Variants in HAVCR2 observed in about 807,000 individuals in gnomAD.
HAVCR2 encodes T cell immunoglobulin mucin 3.
In HAVCR2, 13 loss-of-function variants were observed where a neutral mutation model predicts 24.7. That is an observed-to-expected ratio of 0.53 (90% CI 0.34 to 0.84). HAVCR2 has a LOEUF of 0.84. Among genes scored for constraint, HAVCR2 ranks in the 40% least tolerant of loss-of-function variants. The pLI, the probability that HAVCR2 is intolerant of heterozygous loss-of-function variation, is 0.01. For missense variants in HAVCR2, 343 were observed against 371.2 expected (o/e 0.92, Z 0.62); for synonymous variants, 154 against 143.4 (o/e 1.07, Z -0.53).
At position 157,095,400 on chromosome 5, in the gene HAVCR2, G is replaced by T. The variant is rs1429344938; in HGVS notation, c.582C>A (p.Asp194Glu). 1 of 1,614,092 alleles carries T rather than the reference G, an allele frequency of 6.2e-7. No homozygotes were observed. Among genetic ancestry groups the T allele is most frequent in the South Asian group, 1.1e-5 (1 of 91,088 alleles). Residue 194 changes from aspartate (D) to glutamate (E), a missense_variant, in exon 5 of 7, where the codon GAC (aspartate) becomes GAA (glutamate). Transcript: ENST00000307851. ...RDSRLANDLRDSGATIRIGIY... is the reference protein window; with the variant it reads ...RDSRLANDLRESGATIRIGIY... Reference sequence around the variant, plus strand: ...TGCCTATTCTGATGGTTGCTCCAGAGTCCCGTAAGTCATTGGCCAATCTAG... The same window carrying T: ...TGCCTATTCTGATGGTTGCTCCAGATTCCCGTAAGTCATTGGCCAATCTAG...
intron 4 of HAVCR2, among the ~76,000 whole-genome samples, chr5:157,095,883 C>A (rs528909667): frequency 6.6e-6 from 1 of 152,070 alleles, no homozygotes; most frequent in East Asian, 1.9e-4. Context: ...CACAAAAAGA[C>A]AGTGATTCAA....
intron 3 of HAVCR2, among the ~76,000 whole-genome samples, chr5:157,101,385 C>T (rs749762047): frequency 1.8e-4 from 28 of 152,112 alleles, no homozygotes; most frequent in Non-Finnish European, 3.1e-4. Flanking sequence ...CCAAGATTTG[C>T]CTGGTGGGGC....
intron 5 of HAVCR2, among the ~76,000 whole-genome samples, chr5:157,094,233 C>G (rs1757059282): frequency 6.6e-6 from 1 of 151,494 alleles, no homozygotes; most frequent in Non-Finnish European, 1.5e-5. Context: ...GAGGCAGGAT[C>G]CTGCTTTGCT....
intron 5 of HAVCR2, among the ~76,000 whole-genome samples, chr5:157,093,598 G>A (rs1757044728): frequency 6.6e-6 from 1 of 152,010 alleles, no homozygotes; most frequent in Admixed American, 6.6e-5. Context: ...TTACGCTCTG[G>A]GGCATAAGGA....
At chr5:157,092,913 A>AAAAAAAAAAAAATAAAAAT (rs1561619880) in intron 5 of HAVCR2, among the ~76,000 whole-genome samples, 5 of 123,030 alleles carry the variant, frequency 4.1e-5, no homozygotes, top group African/African-American at 1.5e-4. Flanking sequence ...AAAAAAAAAA[A>AAAAAAAAAAAAATAAAAAT]AAAAACTAGC....
chr5:157,091,014 G>T (rs1359321413), intron 5 of HAVCR2, among the ~76,000 whole-genome samples: 1 of 152,142 alleles, frequency 6.6e-6, no homozygotes, highest in Non-Finnish European at 1.5e-5. Flanking sequence ...CAGCCCTAAG[G>T]AATCTCAACA....
At chr5:157,092,909 A>AT (rs1561619866) in intron 5 of HAVCR2, among the ~76,000 whole-genome samples, 1 of 115,478 alleles carries the variant, frequency 8.7e-6, no homozygotes, top group African/African-American at 3.5e-5. Flanking sequence ...AAAAAAAAAA[A>AT]AAAAAAAAAC....
rs537669831 is a variant in HAVCR2, at chr5:157,095,212, G to A, written c.676+94C>T. On this transcript the variant is annotated intron_variant, in intron 5 of 6. Coordinates refer to ENST00000307851, the MANE Select transcript of HAVCR2 (RefSeq NM_032782.5). Reference sequence around the variant, plus strand: ...AAGGGTATTTAGTCTAATCATCTTTGGGTATAAACATGAATTTGCATTTCT... The same window carrying A: ...AAGGGTATTTAGTCTAATCATCTTTAGGTATAAACATGAATTTGCATTTCT... 5.1e-5 allele frequency: 67 copies of A among 1,304,384 alleles called. No homozygotes were observed. The African/African-American group carries it at 8.6e-4, about 17-fold the overall frequency. 80.8% of individuals were successfully genotyped at this position (1,304,384 alleles called of 1,614,324 possible). A position where few individuals can be genotyped will look rare whatever the true frequency, so the allele number is the denominator to read the frequency against.
chr5:157,092,369 G>A (rs1258184510), intron 5 of HAVCR2, among the ~76,000 whole-genome samples: 2 of 151,980 alleles, frequency 1.3e-5, no homozygotes, highest in Non-Finnish European at 2.9e-5. Flanking sequence ...GGCTGAGGTG[G>A]GAGGATTATT....
chr5:157,108,947 G>A lies in HAVCR2; in HGVS notation c.37C>T (p.Leu13=), dbSNP rs931549788. 1.9e-6 allele frequency: 3 copies of A among 1,614,026 alleles called. No homozygotes were observed. The highest frequency in any genetic ancestry group is 2.5e-6 in the Non-Finnish European group (3 of 1,179,996). ...SHLPFDCVLL[L]LLLLLTRSSE... The stretch of plus-strand genomic sequence containing the variant: ...TTACTTGTAAGTAGTAGCAGCAGCA[G>A]CAGCAGGACACAGTCAAAGGGAAGA... Residue 13 remains leucine (L), a synonymous_variant, in exon 1 of 7, where the codon CTG becomes TTG. Transcript: ENST00000307851.
intron 3 of HAVCR2, among the ~76,000 whole-genome samples, chr5:157,102,804 G>A (rs969980646): frequency 5.3e-5 from 8 of 151,838 alleles, no homozygotes; most frequent in Non-Finnish European, 1.0e-4. Flanking sequence ...GCGTGGTGGC[G>A]CGCGTCTGTA....
At chr5:157,090,887 C>T (rs1756989055) in intron 5 of HAVCR2, among the ~76,000 whole-genome samples, 1 of 152,008 alleles carries the variant, frequency 6.6e-6, no homozygotes. Context: ...TGCTGTGTCA[C>T]CCAGGCTAGA....
At chr5:157,102,589 A>G (rs1460494026) in intron 3 of HAVCR2, among the ~76,000 whole-genome samples, 1 of 152,104 alleles carries the variant, frequency 6.6e-6, no homozygotes, top group Non-Finnish European at 1.5e-5. Flanking sequence ...TCGAGGTATT[A>G]TTCCTATATT....
intron 1 of HAVCR2, chr5:157,107,443 T>C (rs1757269632): frequency 6.4e-6 from 1 of 155,216 alleles, no homozygotes; most frequent in Admixed American, 6.4e-5. Flanking sequence ...CCTAACATAC[T>C]TCTCTTTTTA....
rs951408005 is a variant in HAVCR2, at chr5:157,097,476, T to C, written c.522+1382A>G. ...GGTGTCACTATGTGGCCCAGGCTAG[T>C]CTCAAACTCCTGGTCTCAAGCATTC... On this transcript the variant is annotated intron_variant, in intron 4 of 6. Coordinates refer to ENST00000307851, the MANE Select transcript of HAVCR2 (RefSeq NM_032782.5). Among the ~76,000 whole-genome samples the C allele has an allele frequency of 2.6e-5, 4 of 152,244 alleles. No individual in the cohort carries two copies. The South Asian group carries it at 6.2e-4, about 24-fold the overall frequency.
chr5:157,107,870 T>C (rs897987327), intron 1 of HAVCR2, among the ~76,000 whole-genome samples: 113 of 141,576 alleles, frequency 8.0e-4, no homozygotes, highest in Non-Finnish European at 1.3e-3. Flanking sequence ...CCCCCCCCCC[T>C]TTTTTATGTG....
chr5:157,099,034 A>G (rs1354042577), intron 3 of HAVCR2, 133 bp from the exon 4 acceptor site: 4 of 766,604 alleles, frequency 5.2e-6, no homozygotes, highest in Non-Finnish European at 7.8e-6. Flanking sequence ...TCTACTCCGT[A>G]CTTGTCACAA....
intron 2 of HAVCR2, chr5:157,106,367 T>C (rs932333658): frequency 2.2e-6 from 1 of 449,940 alleles, no homozygotes; most frequent in Admixed American, 3.7e-5. Flanking sequence ...CCTGACCTCA[T>C]GATCCACCGG....
chr5:157,106,333 T>C (rs553926676), intron 2 of HAVCR2: 68 of 329,298 alleles, frequency 2.1e-4, no homozygotes, highest in Admixed American at 9.0e-4. Context: ...GGTTTTACTA[T>C]GTTGGCCAGG....
Sources: allele counts gnomAD v4.1 joint callset (sites outside exome capture counted in the v4.1 genomes callset), GRCh38; gene constraint gnomAD v4.1.1; transcripts MANE v1.5; gene names NCBI Gene and HGNC (gene_info 2026-07-23, HGNC 2026-07-21).